The following TRIO variants were observed in gnomAD, a reference collection of about 807,000 sequenced individuals.
TRIO encodes trio Rho guanine nucleotide exchange factor.
A neutral mutation model predicts 351.9 loss-of-function variants in TRIO; 58 were observed. The ratio of observed to expected loss-of-function variants is 0.16; its 90% CI spans 0.13 to 0.21. The LOEUF (loss-of-function observed/expected upper bound fraction) is 0.21, where lower values mean the gene tolerates loss of function less well. Ranked by LOEUF, TRIO falls within the 10% of genes least tolerant of loss-of-function variation. The pLI, the probability that TRIO is intolerant of heterozygous loss-of-function variation, is 1.00. For synonymous variants in TRIO, 1,758 were observed against 1,595.7 expected (o/e 1.10, Z -2.42); for missense variants, 3,201 against 4,027.8 (o/e 0.79, Z 5.56).
chr5:14,259,355 A>G (rs1795211195), intron 1 of TRIO, among the ~76,000 whole-genome samples: 1 of 152,246 alleles, frequency 6.6e-6, no homozygotes, highest in Admixed American at 6.5e-5. Flanking sequence ...TTTTGTCTGT[A>G]TGCAGAAGGT....
In TRIO at chr5:14,268,400, A is replaced by G. The variant is rs563424784; in HGVS notation, c.158-2425A>G. On this transcript the variant is annotated intron_variant, in intron 1 of 56. Coordinates refer to ENST00000344204, the MANE Select transcript of TRIO (RefSeq NM_007118.4). ...GATGACTCAGGTCACACAGCTCTCT[A>G]TTGGGATATCAGCATTGGGATCAGG... Among the ~76,000 whole-genome samples the G allele has an allele frequency of 2.0e-5, 3 of 152,292 alleles. No individual in the cohort carries two copies. The South Asian group carries it at 6.2e-4, about 32-fold the overall frequency.
chr5:14,498,750 C>A, intron 53 of TRIO, 110 bp downstream of exon 53: 6 of 1,500,106 alleles, frequency 4.0e-6, no homozygotes, highest in Non-Finnish European at 4.5e-6. Context: ...AAAGATAGAA[C>A]AATAAGTCAT....
At chr5:14,406,148 TGCTTTGTCAGAGATAAGA>T (rs1193512217) in intron 32 of TRIO, 158 bp downstream of exon 32, 1 of 1,105,342 alleles carries the variant, frequency 9.0e-7, no homozygotes, top group African/African-American at 1.6e-5. Context: ...GTAATGAAAC[TGCTTTGTCAGAGATAAGA>T]GCCTCTATTG....
chr5:14,210,231 A>G (rs1791799398), intron 1 of TRIO, among the ~76,000 whole-genome samples: 1 of 152,228 alleles, frequency 6.6e-6, no homozygotes, highest in African/African-American at 2.4e-5. Flanking sequence ...ATGGCATGAA[A>G]TTAAACCACT....
At chr5:14,439,140 T>G (rs1354090758) in intron 34 of TRIO, among the ~76,000 whole-genome samples, 1 of 152,136 alleles carries the variant, frequency 6.6e-6, no homozygotes. Context: ...CTCAGCCTCC[T>G]GAGTAGCTGG....
At chr5:14,293,233 G>C (rs905521606) in intron 6 of TRIO, 99 bp downstream of exon 6, 3 of 1,531,974 alleles carry the variant, frequency 2.0e-6, no homozygotes, top group African/African-American at 1.4e-5. Flanking sequence ...AGGGGCCTTC[G>C]GAGTGGCTGT....
intron 1 of TRIO, among the ~76,000 whole-genome samples, chr5:14,201,761 C>T (rs922153604): frequency 6.6e-6 from 1 of 151,984 alleles, no homozygotes; most frequent in Admixed American, 6.5e-5. Context: ...GAGTCACAGG[C>T]CTACATTTAT....
At chr5:14,363,513 C>A (rs1744334726) in intron 13 of TRIO, among the ~76,000 whole-genome samples, 1 of 151,970 alleles carries the variant, frequency 6.6e-6, no homozygotes. Flanking sequence ...CATTGGGAAC[C>A]CCTTCATCTG....
intron 27 of TRIO, among the ~76,000 whole-genome samples, chr5:14,391,537 G>A (rs1306703295): frequency 6.6e-6 from 1 of 152,334 alleles, no homozygotes; most frequent in Middle Eastern, 3.4e-3. Context: ...GTAGATACAG[G>A]TCATCTGTGT....
chr5:14,445,414 C>G (rs1752367332), intron 34 of TRIO, among the ~76,000 whole-genome samples: 1 of 152,194 alleles, frequency 6.6e-6, no homozygotes, highest in African/African-American at 2.4e-5. Flanking sequence ...GGGAACATAG[C>G]ACCCTTAGGC....
In TRIO at chr5:14,488,112, G is replaced by A. The variant is rs370830333; in HGVS notation, c.7484G>A (p.Ser2495Asn). 1 of 1,609,468 alleles carries A rather than the reference G, an allele frequency of 6.2e-7. No homozygotes were observed. ...AGCTCCATCCCCGCCTCCCCCGCCA[G>A]CCGACCCGGCTCCTTCACCTTCCCG... Reference protein sequence around the residue: ...FWSSIPASPASRPGSFTFPGD... With the variant: ...FWSSIPASPANRPGSFTFPGD... Residue 2495 changes from serine (S) to asparagine (N), a missense_variant, in exon 48 of 57, where the codon AGC becomes AAC. Around this residue, in one of 19 missense-constraint regions of TRIO, gnomAD observed 1,089 missense variants for 954.9 expected, o/e 1.14. Coordinates refer to ENST00000344204, the MANE Select transcript of TRIO (RefSeq NM_007118.4).
chr5:14,460,324 C>T (rs555839367), intron 34 of TRIO, among the ~76,000 whole-genome samples: 27 of 152,260 alleles, frequency 1.8e-4, no homozygotes, highest in African/African-American at 3.6e-4. Flanking sequence ...CCCGGTGTGC[C>T]GCCGTGGCCT....
In TRIO at chr5:14,290,935, C is replaced by A; in HGVS notation, c.760C>A (p.Arg254=). The A allele has an allele frequency of 1.2e-6, 2 of 1,614,056 alleles. No individual in the cohort carries two copies. Among genetic ancestry groups the A allele is most frequent in the Non-Finnish European group, 1.7e-6 (2 of 1,180,004 alleles). ...GCTGCCTCAGGATTTAGAGGGGGCT[C>A]GGAATATGATCGAGGAACATTCTCA... The part of the protein sequence containing the change: ...KELPQDLEGA[R]NMIEEHSQLK... The change falls in exon 5 of 57, where the codon CGG becomes AGG. Residue 254 remains arginine (R), a synonymous_variant. Transcript: ENST00000344204.
rs761990451 is a variant in TRIO at position 14,391,007 on chromosome 5, T to G, written c.4218+17T>G. The G allele has an allele frequency of 6.4e-7, 1 of 1,571,428 alleles. No homozygotes were observed. Among genetic ancestry groups the G allele is most frequent in the Admixed American group, 2.0e-5 (1 of 50,342 alleles). The stretch of plus-strand genomic sequence containing the variant: ...TATTTTGACGTAAGTAATAGATTCC[T>G]AAAGAGACCATAATTTTCCAAGTTG... On this transcript the variant is annotated intron_variant, in intron 27 of 56. Coordinates refer to ENST00000344204, the MANE Select transcript of TRIO (RefSeq NM_007118.4).
chr5:14,415,064 C>T (rs184891888), intron 33 of TRIO, among the ~76,000 whole-genome samples: 201 of 152,316 alleles, frequency 1.3e-3, no homozygotes, highest in Admixed American at 3.8e-3. Flanking sequence ...CACGGAACCG[C>T]AAGACCCTTT....
intron 11 of TRIO, among the ~76,000 whole-genome samples, chr5:14,352,142 C>T (rs776417058): frequency 3.9e-4 from 59 of 151,794 alleles, no homozygotes; most frequent in Non-Finnish European, 6.0e-4. Context: ...GTCCATGAGC[C>T]GGGCCCTGTA....
chr5:14,475,313 T>C (rs1754983548), intron 40 of TRIO, among the ~76,000 whole-genome samples: 1 of 151,530 alleles, frequency 6.6e-6, no homozygotes, highest in East Asian at 2.0e-4. Context: ...TGGAGCACGA[T>C]GTCATCACCT....
chr5:14,182,198 G>A (rs1789822026), intron 1 of TRIO, among the ~76,000 whole-genome samples: 1 of 152,104 alleles, frequency 6.6e-6, no homozygotes, highest in Non-Finnish European at 1.5e-5. Flanking sequence ...TTCCTCAGGA[G>A]CAGGCTCCTC....
chr5:14,270,181 C>T (rs1297039711), intron 1 of TRIO, among the ~76,000 whole-genome samples: 1 of 152,114 alleles, frequency 6.6e-6, no homozygotes, highest in Non-Finnish European at 1.5e-5. Flanking sequence ...GGAGCAGGGG[C>T]AGAGTTGGTT....
Sources: allele counts gnomAD v4.1 joint callset (sites outside exome capture counted in the v4.1 genomes callset), GRCh38; gene constraint gnomAD v4.1.1; regional missense constraint gnomAD v4.1.1; transcripts MANE v1.5; gene names NCBI Gene and HGNC (gene_info 2026-07-23, HGNC 2026-07-21).